TMEM11: variants seen among roughly 807,000 people sequenced by gnomAD.
TMEM11 encodes transmembrane protein 11, mitochondrial.
TMEM11 carries 1 observed loss-of-function variant against 17.0 expected under a neutral mutation model. That is an observed-to-expected ratio of 0.06 (90% CI 0.02 to 0.28). The LOEUF (loss-of-function observed/expected upper bound fraction) is 0.28, where lower values mean the gene tolerates loss of function less well. Among genes scored for constraint, TMEM11 ranks in the 10% least tolerant of loss-of-function variants. TMEM11 has a pLI of 1.00. For missense variants in TMEM11, 172 were observed against 252.9 expected (o/e 0.68, Z 2.17); for synonymous variants, 122 against 118.1 (o/e 1.03, Z -0.21).
chr17:21,211,136 G>A, intron 1 of TMEM11: 1 of 1,289,880 alleles, frequency 7.8e-7, no homozygotes. Context: ...CAATCTGTTT[G>A]ATGTGCTCGT....
At chr17:21,209,377 G>C (rs1974978181) in intron 1 of TMEM11, among the ~76,000 whole-genome samples, 1 of 152,236 alleles carries the variant, frequency 6.6e-6, no homozygotes, top group Admixed American at 6.5e-5. Flanking sequence ...CCAGAGGACT[G>C]CAGTGAAGAT....
At chr17:21,213,767 C>G (rs1436793309) in intron 1 of TMEM11, 1 of 337,086 alleles carries the variant, frequency 3.0e-6, no homozygotes, top group African/African-American at 2.2e-5. Flanking sequence ...GATCGGCCCG[C>G]GGGCAGCTAG....
intron 1 of TMEM11, among the ~76,000 whole-genome samples, chr17:21,205,986 T>C (rs373649418): frequency 8.5e-4 from 129 of 152,224 alleles, no homozygotes; most frequent in Middle Eastern, 3.4e-3. Context: ...CCACTGGCTA[T>C]TGTGAATAAT....
chr17:21,204,415 C>T (rs1381623191), intron 1 of TMEM11, among the ~76,000 whole-genome samples: 4 of 67,462 alleles, frequency 5.9e-5, no homozygotes, highest in Non-Finnish European at 8.1e-5. Flanking sequence ...GCGTGGGCAA[C>T]AAGTAAAACT....
intron 1 of TMEM11, among the ~76,000 whole-genome samples, chr17:21,211,522 C>T (rs1458292252): frequency 6.6e-6 from 1 of 152,208 alleles, no homozygotes; most frequent in Non-Finnish European, 1.5e-5. Context: ...TGTGTTAATT[C>T]AGCACTAATT....
At position 21,198,593 on chromosome 17, in the gene TMEM11, A is replaced by T. The variant is rs750289855; in HGVS notation, c.310T>A (p.Ser104Thr). The change falls in exon 2 of 2, where the codon TCC (serine) becomes ACC (threonine). Residue 104 changes from serine to threonine, a missense_variant. Ser to Thr is a moderately conservative substitution (Grantham distance 58, BLOSUM62 1). Around this residue, in one of 2 missense-constraint regions of TMEM11, gnomAD observed 123 missense variants for 213.6 expected, o/e 0.58. Coordinates refer to ENST00000317635, the MANE Select transcript of TMEM11 (RefSeq NM_003876.3). The surrounding 1 kb of genome is among the most constrained non-coding windows in gnomAD (Gnocchi z 6.5). ...CCAGCGGGCAGGGAAATGTAGTGGG[A>T]ATAATCTAAGGGCAGCGCCAACGGG... Reference protein sequence around the residue: ...FTPLALPLDYSHYISLPAGVL... With the variant: ...FTPLALPLDYTHYISLPAGVL... 5 of 1,613,904 alleles carry T rather than the reference A, an allele frequency of 3.1e-6. No homozygotes were observed. Among genetic ancestry groups the T allele is most frequent in the Non-Finnish European group, 4.2e-6 (5 of 1,179,900 alleles).
At chr17:21,212,182 C>A (rs1313184463) in intron 1 of TMEM11, among the ~76,000 whole-genome samples, 1 of 152,052 alleles carries the variant, frequency 6.6e-6, no homozygotes, top group Non-Finnish European at 1.5e-5. Flanking sequence ...TCCACCCATA[C>A]CACGTTATCT....
intron 1 of TMEM11, 120 bp downstream of exon 1, chr17:21,213,971 G>A (rs756830864): frequency 2.1e-4 from 207 of 983,742 alleles, no homozygotes; most frequent in Non-Finnish European, 2.9e-4. Context: ...TATGCCCGGC[G>A]AGGGTAGGGG....
chr17:21,198,408 C>T lies in TMEM11; in HGVS notation c.495G>A (p.Leu165=), dbSNP rs969261920. The T allele has an allele frequency of 4.3e-6, 7 of 1,614,126 alleles. No homozygotes were observed. The African/African-American group carries it at 9.3e-5, about 22-fold the overall frequency. The change falls in exon 2 of 2, where the codon CTG becomes CTA. Residue 165 remains leucine, a synonymous_variant. Coordinates refer to ENST00000317635, the MANE Select transcript of TMEM11 (RefSeq NM_003876.3). The surrounding 1 kb of genome is among the most constrained non-coding windows in gnomAD (Gnocchi z 6.5). ...TPVVLVRKDD[L]HRKRLHNTIA... ...TCGTGTTGTGCAGTCTCTTTCTGTGCAGGTCGTCCTTCCGGACCAGCACCA... is the reference window on the plus strand; with the variant it reads ...TCGTGTTGTGCAGTCTCTTTCTGTGTAGGTCGTCCTTCCGGACCAGCACCA...
At chr17:21,213,076 G>A (rs1273901410) in intron 1 of TMEM11, 1 of 152,234 alleles carries the variant, frequency 6.6e-6, no homozygotes, top group Non-Finnish European at 1.5e-5. Context: ...ACACGGGATG[G>A]AATCAGTCAC....
intron 1 of TMEM11, among the ~76,000 whole-genome samples, chr17:21,200,262 C>T (rs966254426): frequency 6.6e-6 from 1 of 152,228 alleles, no homozygotes; most frequent in East Asian, 1.9e-4. Context: ...TCACCTGTGG[C>T]GGGCAGGCCT....
chr17:21,201,879 G>A lies in TMEM11; in HGVS notation c.63-3039C>T, dbSNP rs147885089. Among the ~76,000 whole-genome samples, 1,079 of 152,294 alleles carry A rather than the reference G, an allele frequency of 7.1e-3. 14 individuals are homozygous for A. The highest frequency in any genetic ancestry group is 0.023 in the African/African-American group (970 of 41,550). ...ACTCCTGGGCTCAAGTGTTCCACCC[G>A]CCTTGGCCTCCCAAAGTCCTGGGAT... On this transcript the variant is annotated intron_variant, in intron 1 of 1. Transcript: ENST00000317635.
chr17:21,210,755 C>T (rs184990752), intron 1 of TMEM11, among the ~76,000 whole-genome samples: 3 of 152,204 alleles, frequency 2.0e-5, no homozygotes, highest in Admixed American at 1.3e-4. Flanking sequence ...AGCAGATGGC[C>T]GCGCAAGCCA....
intron 1 of TMEM11, among the ~76,000 whole-genome samples, chr17:21,208,200 G>T (rs1013769113): frequency 4.0e-5 from 6 of 150,264 alleles, no homozygotes; most frequent in Non-Finnish European, 4.5e-5. Flanking sequence ...CACTGTGTTA[G>T]CGAGGATGGT....
chr17:21,211,077 C>T, intron 1 of TMEM11: 3 of 1,289,844 alleles, frequency 2.3e-6, no homozygotes, highest in Non-Finnish European at 3.0e-6. Flanking sequence ...CTGCACTGTG[C>T]TTTCCTAGAT....
intron 1 of TMEM11, among the ~76,000 whole-genome samples, chr17:21,199,236 AG>A (rs1974854947): frequency 6.7e-6 from 1 of 149,616 alleles, no homozygotes; most frequent in South Asian, 2.1e-4. Context: ...CTGAGGCAGG[AG>A]AATCACTTGA....
At chr17:21,206,135 T>C (rs1974940104) in intron 1 of TMEM11, among the ~76,000 whole-genome samples, 1 of 152,038 alleles carries the variant, frequency 6.6e-6, no homozygotes. Context: ...CTCTATACTG[T>C]TTTCCAGAGC....
intron 1 of TMEM11, among the ~76,000 whole-genome samples, chr17:21,207,249 G>T (rs1030471920): frequency 6.6e-6 from 1 of 152,132 alleles, no homozygotes; most frequent in African/African-American, 2.4e-5. Context: ...CTAAGATAAG[G>T]CTGGGCATGG....
At chr17:21,207,370 A>C (rs890883873) in intron 1 of TMEM11, among the ~76,000 whole-genome samples, 9 of 151,738 alleles carry the variant, frequency 5.9e-5, no homozygotes, top group African/African-American at 1.2e-4. Flanking sequence ...TCCCTACTAA[A>C]AATACAAAAA....
Sources: allele counts gnomAD v4.1 joint callset (sites outside exome capture counted in the v4.1 genomes callset), GRCh38; gene constraint gnomAD v4.1.1; regional missense constraint gnomAD v4.1.1; non-coding constraint Gnocchi (gnomAD v3.1); transcripts MANE v1.5; gene names NCBI Gene and HGNC (gene_info 2026-07-23, HGNC 2026-07-21).